CSMD1: variants seen among roughly 807,000 people sequenced by gnomAD.
CSMD1 encodes CUB and Sushi multiple domains 1.
Under a neutral mutation model 417.5 loss-of-function variants are expected in CSMD1, and 213 were observed. That is an observed-to-expected ratio of 0.51 (90% CI 0.46 to 0.57). The LOEUF (loss-of-function observed/expected upper bound fraction) is 0.57, where lower values mean the gene tolerates loss of function less well. Among genes scored for constraint, CSMD1 ranks in the 20% least tolerant of loss-of-function variants. The probability of loss-of-function intolerance (pLI) is 0.00; values close to 1 mark genes in which losing one functional copy is unlikely to be tolerated. For missense variants in CSMD1, 6,923 were observed against 4,529.7 expected, an observed-to-expected ratio of 1.53 and a Z score of -15.17; for synonymous variants, 2,862 against 1,736.8, an observed-to-expected ratio of 1.65 and a Z score of -16.11.
At chr8:3,953,585 A>G (rs373245998) in intron 5 of CSMD1, among the ~76,000 whole-genome samples, 1 of 152,060 alleles carries the variant, frequency 6.6e-6, no homozygotes, top group Non-Finnish European at 1.5e-5. Flanking sequence ...TGGAGCTATT[A>G]AAGTGGGTCA....
chr8:3,154,846 A>C (rs1391185119), intron 39 of CSMD1, among the ~76,000 whole-genome samples: 1 of 152,154 alleles, frequency 6.6e-6, no homozygotes, highest in African/African-American at 2.4e-5. Context: ...GATTTCCAGG[A>C]GCTCTTAAGT....
Position 4,994,549 on chromosome 8 carries a change from T to G in CSMD1, c.-133A>C, listed in dbSNP as rs1429216412. The G allele has an allele frequency of 3.9e-6, 3 of 764,012 alleles. No homozygotes were observed. Among genetic ancestry groups the G allele is most frequent in the Non-Finnish European group, 4.3e-6 (2 of 463,890 alleles). The allele number at this position is 764,012 out of a possible 1,614,324, so 47.3% of individuals were successfully genotyped here. Reference sequence around the variant, plus strand: ...GCCCGGTCCCAAGACCCGCCGCGCATCCGACGCCTCCTGAAGGTCTGGGCG... The same window carrying G: ...GCCCGGTCCCAAGACCCGCCGCGCAGCCGACGCCTCCTGAAGGTCTGGGCG... On this transcript the variant is annotated 5_prime_UTR_variant, in exon 1 of 70. An upstream start codon of the reference 5' UTR is lost. Coordinates refer to ENST00000635120, the MANE Select transcript of CSMD1 (RefSeq NM_033225.6).
chr8:4,767,979 A>G (rs1408015253), intron 1 of CSMD1, among the ~76,000 whole-genome samples: 1 of 152,164 alleles, frequency 6.6e-6, no homozygotes, highest in Non-Finnish European at 1.5e-5. Flanking sequence ...TCTAGCACAG[A>G]GTGTGGAGCA....
intron 6 of CSMD1, among the ~76,000 whole-genome samples, chr8:3,744,693 C>G (rs1184383417): frequency 6.6e-6 from 1 of 152,178 alleles, no homozygotes; most frequent in Non-Finnish European, 1.5e-5. Flanking sequence ...AGCAAATAAA[C>G]ATGAAACGTT....
intron 27 of CSMD1, among the ~76,000 whole-genome samples, chr8:3,227,609 A>G (rs1798590393): frequency 6.6e-6 from 1 of 152,164 alleles, no homozygotes; most frequent in African/African-American, 2.4e-5. Context: ...TAGATACTAG[A>G]GAGTGGCATC....
At chr8:4,616,415 T>G (rs1444060348) in intron 2 of CSMD1, among the ~76,000 whole-genome samples, 1 of 152,206 alleles carries the variant, frequency 6.6e-6, no homozygotes, top group East Asian at 1.9e-4. Context: ...ATTTGGTGCA[T>G]TTTAAGAACA....
rs562579212 is a variant in CSMD1, at chr8:4,239,674, T to C, written c.415+180279A>G. Among the ~76,000 whole-genome samples, 8 of 152,248 alleles carry C rather than the reference T, an allele frequency of 5.3e-5. No homozygotes were observed. The East Asian group carries it at 1.5e-3, about 29-fold the overall frequency. On this transcript the variant is annotated intron_variant, in intron 3 of 69. Coordinates refer to ENST00000635120, the MANE Select transcript of CSMD1 (RefSeq NM_033225.6). ...CGGGGTCACAGAGCATTGCATTATG[T>C]TGGGTGGCAGAACATCGCATTATGT... is the stretch of plus-strand genomic sequence containing the variant.
At chr8:4,598,940 T>C (rs1042182809) in intron 2 of CSMD1, among the ~76,000 whole-genome samples, 1 of 152,178 alleles carries the variant, frequency 6.6e-6, no homozygotes, top group African/African-American at 2.4e-5. Flanking sequence ...ATTTCAGTTG[T>C]TTCTAAATCA....
intron 10 of CSMD1, among the ~76,000 whole-genome samples, chr8:3,569,664 G>A (rs748423895): frequency 5.3e-5 from 8 of 152,108 alleles, no homozygotes; most frequent in African/African-American, 9.7e-5. Flanking sequence ...TGTTCAATAC[G>A]TAATACACTT....
chr8:4,575,620 G>C (rs1799101308), intron 2 of CSMD1, among the ~76,000 whole-genome samples: 1 of 152,200 alleles, frequency 6.6e-6, no homozygotes, highest in Non-Finnish European at 1.5e-5. Context: ...ATGTGGCTCA[G>C]TGCATTTGAA....
At chr8:4,469,837 G>T (rs1053225218) in intron 2 of CSMD1, among the ~76,000 whole-genome samples, 1 of 151,426 alleles carries the variant, frequency 6.6e-6, no homozygotes, top group African/African-American at 2.4e-5. Flanking sequence ...AAAATGACTC[G>T]CACACCTACG....
chr8:3,241,362 G>T (rs967221225), intron 26 of CSMD1, among the ~76,000 whole-genome samples: 1 of 152,010 alleles, frequency 6.6e-6, no homozygotes, highest in South Asian at 2.1e-4. Context: ...ATGTGGAGTG[G>T]GTAGCCTCCA....
chr8:4,003,332 G>A (rs574242691), intron 4 of CSMD1, among the ~76,000 whole-genome samples: 1 of 152,080 alleles, frequency 6.6e-6, no homozygotes, highest in African/African-American at 2.4e-5. Flanking sequence ...GGTGGAGCTT[G>A]CAGTGAGCAG....
chr8:3,749,162 T>A (rs1021678781), intron 6 of CSMD1, among the ~76,000 whole-genome samples: 2 of 152,178 alleles, frequency 1.3e-5, no homozygotes, highest in Non-Finnish European at 2.9e-5. Context: ...GGATTGTGCT[T>A]ACAAGGCACT....
intron 3 of CSMD1, among the ~76,000 whole-genome samples, chr8:4,151,915 T>C (rs1217240369): frequency 6.6e-6 from 1 of 152,188 alleles, no homozygotes; most frequent in Non-Finnish European, 1.5e-5. Context: ...CATTTGTCTA[T>C]CAGCAGAGAT....
chr8:3,182,100 C>G (rs1821369132), intron 36 of CSMD1, among the ~76,000 whole-genome samples: 1 of 151,900 alleles, frequency 6.6e-6, no homozygotes, highest in Non-Finnish European at 1.5e-5. Flanking sequence ...ATAAATTATT[C>G]AAGTACTGCT....
At chr8:4,767,717 A>AT (rs1812560265) in intron 1 of CSMD1, among the ~76,000 whole-genome samples, 1 of 152,116 alleles carries the variant, frequency 6.6e-6, no homozygotes, top group African/African-American at 2.4e-5. Context: ...TGGATGAAAC[A>AT]CCACTTCTGT....
At chr8:4,232,364 A>G (rs917027661) in intron 3 of CSMD1, among the ~76,000 whole-genome samples, 9 of 152,044 alleles carry the variant, frequency 5.9e-5, no homozygotes, top group Non-Finnish European at 1.3e-4. Flanking sequence ...AAGCCTGACT[A>G]ATTTTTGTAT....
chr8:3,558,227 C>T (rs1489934136), intron 10 of CSMD1, among the ~76,000 whole-genome samples: 1 of 145,092 alleles, frequency 6.9e-6, no homozygotes, highest in Non-Finnish European at 1.5e-5. Context: ...ATCCCCTCCT[C>T]CAATGACAAA....
Sources: gnomAD v4.1 joint callset for allele counts (sites outside exome capture counted in the v4.1 genomes callset) on GRCh38, gnomAD v4.1.1 for gene constraint, MANE v1.5 for transcripts, NCBI Gene and HGNC (gene_info 2026-07-23, HGNC 2026-07-21) for gene names.